Variants in PRKACB observed in about 807,000 individuals in gnomAD.
PRKACB encodes cAMP-dependent protein kinase catalytic subunit beta.
PRKACB carries 16 observed loss-of-function variants against 51.4 expected under a neutral mutation model. The observed-to-expected ratio is 0.31, with a 90% CI of 0.21 to 0.47. The LOEUF (loss-of-function observed/expected upper bound fraction) is 0.47, where lower values mean the gene tolerates loss of function less well. Among genes scored for constraint, PRKACB ranks in the 20% least tolerant of loss-of-function variants. PRKACB has a pLI of 1.00. For synonymous variants in PRKACB, 147 were observed against 154.4 expected (o/e 0.95, Z 0.35); for missense variants, 309 against 464.5 (o/e 0.67, Z 3.08).
chr1:84,119,336 A>G (rs1441078978), intron 1 of PRKACB, among the ~76,000 whole-genome samples: 1 of 152,150 alleles, frequency 6.6e-6, no homozygotes, highest in African/African-American at 2.4e-5. Context: ...AATATATTTT[A>G]TAGCTTTCCA....
chr1:84,220,183 T>G (rs574387307), intron 9 of PRKACB, among the ~76,000 whole-genome samples: 242 of 152,282 alleles, frequency 1.6e-3, no homozygotes, highest in African/African-American at 5.3e-3. Context: ...TTGGTCAAAT[T>G]TATTCCTAGG....
At chr1:84,148,093 G>A (rs566073923) in intron 1 of PRKACB, among the ~76,000 whole-genome samples, 3 of 152,224 alleles carry the variant, frequency 2.0e-5, no homozygotes, top group East Asian at 3.9e-4. Flanking sequence ...CGCTTTTGAC[G>A]TGACAGTCAG....
intron 1 of PRKACB, among the ~76,000 whole-genome samples, chr1:84,153,013 G>T (rs539779230): frequency 2.0e-5 from 3 of 151,894 alleles, no homozygotes; most frequent in African/African-American, 4.8e-5. Flanking sequence ...TCTTCCTTTC[G>T]TCTGAACACT....
At chr1:84,171,824 T>G (rs962065436) in intron 1 of PRKACB, among the ~76,000 whole-genome samples, 42 of 151,664 alleles carry the variant, frequency 2.8e-4, no homozygotes, top group African/African-American at 9.9e-4. Context: ...TCTGGCAAGA[T>G]TGCCAGATAT....
rs561442056 is a variant in PRKACB, at chr1:84,098,370, C to G, written c.46+19999C>G. ...CTGAGAGTACTAACTTTTTACATAG[C>G]CCATTTTGTTTCCCTTTTAACAAAT... On this transcript the variant is annotated intron_variant, in intron 1 of 8. Transcript: ENST00000370688. 2.2e-3 allele frequency among the ~76,000 whole-genome samples: 334 copies of G among 152,124 alleles called. 1 individual carries two copies. The highest frequency in any genetic ancestry group is 0.01 in the Middle Eastern group (3 of 294).
intron 2 of PRKACB, among the ~76,000 whole-genome samples, chr1:84,181,383 A>G (rs2100985862): frequency 6.6e-6 from 1 of 152,192 alleles, no homozygotes; most frequent in East Asian, 1.9e-4. Context: ...GCCATTTAAC[A>G]CATAATTTGT....
rs376696327 is a variant in PRKACB at position 84,214,260 on chromosome 1, T to C, written c.1014T>C (p.Asp338=). 1.2e-6 allele frequency: 2 copies of C among 1,613,148 alleles called. No individual in the cohort carries two copies. The highest frequency in any genetic ancestry group is 1.7e-4 in the Middle Eastern group (1 of 6,056). ...RFGNLKNGVS[D]IKTHKWFATT... The stretch of plus-strand genomic sequence containing the variant: ...GAAATCTAAAGAATGGTGTCAGTGA[T>C]ATAAAAACTCACAAGTGGTTTGCCA... The change falls in exon 9 of 10, where the codon GAT becomes GAC. Residue 338 remains aspartate, a synonymous_variant. Coordinates refer to ENST00000370685, the MANE Select transcript of PRKACB (RefSeq NM_182948.4).
chr1:84,137,388 T>G (rs1387398150), intron 1 of PRKACB, among the ~76,000 whole-genome samples: 1 of 152,046 alleles, frequency 6.6e-6, no homozygotes, highest in Non-Finnish European at 1.5e-5. Context: ...GGTGCCAAGG[T>G]TCAGGGAAAC....
chr1:84,123,639 G>C (rs2642181), intron 1 of PRKACB, among the ~76,000 whole-genome samples: 27,927 of 151,996 alleles, frequency 0.18, 2,828 homozygotes, highest in South Asian at 0.25. Context: ...AAAGTAGAAC[G>C]CTATAAAATG....
At chr1:84,166,902 A>G (rs1657666606) in intron 1 of PRKACB, among the ~76,000 whole-genome samples, 1 of 151,588 alleles carries the variant, frequency 6.6e-6, no homozygotes, top group African/African-American at 2.4e-5. Flanking sequence ...CATTACCTGA[A>G]CGTTCAGTTC....
chr1:84,224,835 C>T (rs1245726984), intron 9 of PRKACB, among the ~76,000 whole-genome samples: 1 of 152,216 alleles, frequency 6.6e-6, no homozygotes, highest in Non-Finnish European at 1.5e-5. Flanking sequence ...AGACAGTGCA[C>T]TCAATCACTG....
At chr1:84,196,794 A>G (rs1215872341) in intron 6 of PRKACB, 52 bp downstream of exon 6, 2 of 1,509,190 alleles carry the variant, frequency 1.3e-6, no homozygotes, top group African/African-American at 2.8e-5. Flanking sequence ...ACTAGGCAAG[A>G]CATTGTATGT....
intron 1 of PRKACB, among the ~76,000 whole-genome samples, chr1:84,101,391 C>G (rs1649338148): frequency 6.6e-6 from 1 of 152,174 alleles, no homozygotes; most frequent in South Asian, 2.1e-4. Context: ...ACAGCAACAC[C>G]TAGATCAGTG....
intron 1 of PRKACB, among the ~76,000 whole-genome samples, chr1:84,146,577 A>G (rs1654119001): frequency 6.6e-6 from 1 of 152,010 alleles, no homozygotes; most frequent in Non-Finnish European, 1.5e-5. Context: ...TACTTAAAGC[A>G]GTTTACTTGC....
intron 9 of PRKACB, among the ~76,000 whole-genome samples, chr1:84,229,807 A>G (rs1379823957): frequency 2.6e-5 from 4 of 151,590 alleles, no homozygotes; most frequent in Non-Finnish European, 4.4e-5. Flanking sequence ...AATTTGTTTG[A>G]GTTCATTGTA....
rs1440108671 is a variant in PRKACB, at chr1:84,110,556, C to T, written c.46+32185C>T. On this transcript the variant is annotated intron_variant, in intron 1 of 8. Transcript: ENST00000370688. Reference sequence around the variant, plus strand: ...CTTCCATTTTCTTACTTTGTGTTTACGCCTCAAATCCTCTGAGGCTGATAT... The same window carrying T: ...CTTCCATTTTCTTACTTTGTGTTTATGCCTCAAATCCTCTGAGGCTGATAT... Among the ~76,000 whole-genome samples, 7 of 151,820 alleles carry T rather than the reference C, an allele frequency of 4.6e-5. No individual in the cohort carries two copies. In the South Asian group the frequency reaches 6.2e-4, roughly 13 times the overall value.
Position 84,120,007 on chromosome 1 carries a change from A to G in PRKACB, c.46+41636A>G, listed in dbSNP as rs528650904. ...CCACCTCCATCTATAACACAACTTT[A>G]TGTCTCAGTAATAACCAGGATTAAT... On this transcript the variant is annotated intron_variant, in intron 1 of 8. Coordinates refer to the PRKACB transcript ENST00000370688. 5.3e-5 allele frequency among the ~76,000 whole-genome samples: 8 copies of G among 152,192 alleles called. No homozygotes were observed. The South Asian group carries it at 1.4e-3, about 28-fold the overall frequency.
chr1:84,099,520 C>T (rs1335011619), intron 1 of PRKACB, among the ~76,000 whole-genome samples: 1 of 151,784 alleles, frequency 6.6e-6, no homozygotes. Flanking sequence ...ATAAATATAT[C>T]TAATTGAGAA....
intron 1 of PRKACB, among the ~76,000 whole-genome samples, chr1:84,103,505 C>G (rs1320836947): frequency 2.0e-5 from 3 of 152,098 alleles, no homozygotes; most frequent in Non-Finnish European, 4.4e-5. Context: ...GCCTTTTAGT[C>G]AGCCCAGCCT....
Sources: allele counts gnomAD v4.1 joint callset (sites outside exome capture counted in the v4.1 genomes callset), GRCh38; gene constraint gnomAD v4.1.1; transcripts MANE v1.5; gene names NCBI Gene and HGNC (gene_info 2026-07-23, HGNC 2026-07-21).